Variants in ZNF765 observed in about 807,000 individuals in gnomAD.
ZNF765 encodes zinc finger protein 765.
A neutral mutation model predicts 44.7 loss-of-function variants in ZNF765; 37 were observed. The observed-to-expected ratio is 0.83, with a 90% CI of 0.64 to 1.09. The LOEUF is 1.09. ZNF765 is among the 50% of genes least tolerant of loss of function. The pLI is 0.00. For synonymous variants in ZNF765, 201 were observed against 213.7 expected (o/e 0.94, Z 0.52); for missense variants, 594 against 626.1 (o/e 0.95, Z 0.55).
rs530068604 is a variant in ZNF765 at position 53,422,708 on chromosome 19, C to T, written c.143-354C>T. On this transcript the variant is annotated intron_variant, in intron 3 of 3. Transcript: ENST00000594030. ...TCCTACCTCAGCCCCCACCAAGTAC[C>T]AGCTGCCTTTTTAATGTCACTCATG... Among the ~76,000 whole-genome samples, 3 of 152,168 alleles carry T rather than the reference C, an allele frequency of 2.0e-5. No homozygotes were observed. In the South Asian group the frequency reaches 6.2e-4, roughly 32 times the overall value.
rs1276308194 is a variant in ZNF765, at chr19:53,408,740, G to T, written c.1185G>T (p.Lys395Asn). ...AGTGTAGCAAGACCTTTAGTCACAA[G>T]TCATCTCTTACATACCATCGTAGAC... is the stretch of plus-strand genomic sequence containing the variant. Reference protein sequence around the residue: ...CNECSKTFSHKSSLTYHRRLH... With the variant: ...CNECSKTFSHNSSLTYHRRLH... Residue 395 changes from lysine (K) to asparagine (N), a missense_variant, in exon 4 of 4, where the codon AAG (lysine) becomes AAT (asparagine). Physicochemically the swap from Lys to Asn is moderately conservative, Grantham distance 94. Transcript: ENST00000396408. 6.4e-7 allele frequency: 1 copy of T among 1,573,512 alleles called. No homozygotes were observed. Among genetic ancestry groups the T allele is most frequent in the Middle Eastern group, 1.7e-4 (1 of 5,920 alleles).
rs1410522709 is a variant in ZNF765 at position 53,408,320 on chromosome 19, G to A, written c.765G>A (p.Lys255=). The A allele has an allele frequency of 6.2e-7, 1 of 1,614,188 alleles. No homozygotes were observed. The highest frequency in any genetic ancestry group is 2.2e-5 in the East Asian group (1 of 44,878). The change falls in exon 4 of 4, where the codon AAG becomes AAA. Residue 255 remains lysine, a synonymous_variant. Transcript: ENST00000396408. ...TATGTGGCAAGGTCTTTAATTCGAA[G>A]CGATACGTTGCACGCCATCGTAGAT... ...CDICGKVFNS[K]RYVARHRRCH...
At chr19:53,398,940 C>T (rs1455824799) in intron 2 of ZNF765, among the ~76,000 whole-genome samples, 1 of 151,786 alleles carries the variant, frequency 6.6e-6, no homozygotes, top group Non-Finnish European at 1.5e-5. Flanking sequence ...TTATTAGTGA[C>T]GAGTATCACC....
chr19:53,413,225 C>G (rs1807047171), downstream of ZNF765: 1 of 591,918 alleles, frequency 1.7e-6, no homozygotes, highest in Admixed American at 1.9e-5. Flanking sequence ...TTAAGCGATT[C>G]CTGGCCAAGA....
intron 3 of ZNF765, among the ~76,000 whole-genome samples, chr19:53,419,974 C>T (rs1044404739): frequency 6.6e-6 from 1 of 151,398 alleles, no homozygotes; most frequent in Non-Finnish European, 1.5e-5. Context: ...TGAGCCGAGA[C>T]CATGCCACTG....
At chr19:53,417,032 G>A (rs12978253) in intron 3 of ZNF765, among the ~76,000 whole-genome samples, 112,442 of 151,990 alleles carry the variant, frequency 0.74, 42,916 homozygotes, top group Non-Finnish European at 0.83. Context: ...TGGCCAGGCC[G>A]GTCCCTAACT....
downstream of ZNF765, among the ~76,000 whole-genome samples, chr19:53,415,247 G>A (rs1024445658): frequency 3.3e-5 from 5 of 150,202 alleles, no homozygotes; most frequent in Non-Finnish European, 7.4e-5. Context: ...TCCAGCCTGG[G>A]CAACAAGAGT....
chr19:53,415,638 T>C (rs2085870573), downstream of ZNF765, among the ~76,000 whole-genome samples: 1 of 152,186 alleles, frequency 6.6e-6, no homozygotes, highest in South Asian at 2.1e-4. Context: ...TTTCTCACAG[T>C]TCACAGATGA....
chr19:53,409,991 A>G lies in ZNF765; in HGVS notation c.*864A>G. On this transcript the variant is annotated 3_prime_UTR_variant, in exon 4 of 4. Coordinates refer to ENST00000396408, the MANE Select transcript of ZNF765 (RefSeq NM_001040185.3). ...TCATTGGAGAATCCATAATGAAGAGAGATCCTACAAGTGTGATAAATGCAG... is the reference window on the plus strand; with the variant it reads ...TCATTGGAGAATCCATAATGAAGAGGGATCCTACAAGTGTGATAAATGCAG... 1.9e-6 allele frequency: 1 copy of G among 538,714 alleles called. No individual in the cohort carries two copies. The highest frequency in any genetic ancestry group is 3.7e-6 in the Non-Finnish European group (1 of 272,246). 33.4% of individuals were successfully genotyped at this position (538,714 alleles called of 1,614,324 possible). A position where few individuals can be genotyped will look rare whatever the true frequency, so the allele number is the denominator to read the frequency against.
intron 2 of ZNF765, among the ~76,000 whole-genome samples, chr19:53,399,720 C>T (rs2085704984): frequency 1.3e-5 from 2 of 152,062 alleles, no homozygotes; most frequent in Middle Eastern, 3.4e-3. Flanking sequence ...CCATATGTTC[C>T]GGTTTCTTAC....
chr19:53,418,131 G>A (rs570507001), intron 3 of ZNF765, among the ~76,000 whole-genome samples: 1 of 152,194 alleles, frequency 6.6e-6, no homozygotes, highest in African/African-American at 2.4e-5. Flanking sequence ...GGCTGGGCAC[G>A]GTGGCTCACG....
intron 2 of ZNF765, among the ~76,000 whole-genome samples, chr19:53,400,090 G>T (rs1455279138): frequency 6.6e-6 from 1 of 152,098 alleles, no homozygotes; most frequent in Non-Finnish European, 1.5e-5. Flanking sequence ...GGGATTACAG[G>T]CATGAGCCAC....
chr19:53,404,618 A>G (rs1408736285), intron 3 of ZNF765, among the ~76,000 whole-genome samples: 2 of 151,444 alleles, frequency 1.3e-5, no homozygotes, highest in Non-Finnish European at 2.9e-5. Flanking sequence ...ACACCTGGCT[A>G]ATGTGTGTGT....
Position 53,421,343 on chromosome 19 carries a change from C to T in ZNF765, c.143-1719C>T, listed in dbSNP as rs2085906032. On this transcript the variant is annotated intron_variant, in intron 3 of 3. Coordinates refer to the ZNF765 transcript ENST00000594030. ...GAGGGAACTCAGCAACCAGTGCTGG[C>T]GCAGGACCTCCTTATGCTGAGTGCC... 2.0e-5 allele frequency among the ~76,000 whole-genome samples: 3 copies of T among 152,192 alleles called. No individual in the cohort carries two copies. The South Asian group carries it at 6.2e-4, about 32-fold the overall frequency.
In ZNF765 at chr19:53,399,005, C is replaced by T. The variant is rs143973686; in HGVS notation, c.15+975C>T. 5.0e-3 allele frequency among the ~76,000 whole-genome samples: 761 copies of T among 152,206 alleles called. 6 individuals are homozygous for T. Among genetic ancestry groups the T allele is most frequent in the Non-Finnish European group, 8.5e-3 (578 of 68,016 alleles). On this transcript the variant is annotated intron_variant, in intron 2 of 3. Coordinates refer to ENST00000396408, the MANE Select transcript of ZNF765 (RefSeq NM_001040185.3). ...ACTTCAGGTGATCTGCCTGCCTCAG[C>T]CTCCTGGAGTGCTGGGATTACAGGT...
At chr19:53,421,204 T>A (rs2085904989) in intron 3 of ZNF765, among the ~76,000 whole-genome samples, 1 of 152,206 alleles carries the variant, frequency 6.6e-6, no homozygotes, top group Non-Finnish European at 1.5e-5. Flanking sequence ...AACTTACTTA[T>A]GACAGAGACA....
chr19:53,398,280 G>A (rs1237633968), intron 2 of ZNF765, among the ~76,000 whole-genome samples: 1 of 152,186 alleles, frequency 6.6e-6, no homozygotes, highest in African/African-American at 2.4e-5. Context: ...ATGGAGATGG[G>A]GTGAGGGTCC....
At chr19:53,397,875 GTGT>G (rs2085686175) in intron 1 of ZNF765, 65 bp from the exon 2 acceptor site, 2 of 1,389,028 alleles carry the variant, frequency 1.4e-6, no homozygotes, top group Admixed American at 2.0e-5. Context: ...TCCTTTGTAT[GTGT>G]TGTTGTGTTA....
At chr19:53,400,766 A>ACG (rs10664388) in intron 2 of ZNF765, among the ~76,000 whole-genome samples, 1 of 78,002 alleles carries the variant, frequency 1.3e-5, no homozygotes, top group African/African-American at 4.7e-5. Context: ...TTGTTGACAT[A>ACG]TATATATATA....
Sources: allele counts gnomAD v4.1 joint callset (sites outside exome capture counted in the v4.1 genomes callset), GRCh38; gene constraint gnomAD v4.1.1; transcripts MANE v1.5; gene names NCBI Gene and HGNC (gene_info 2026-07-23, HGNC 2026-07-21).